MTOR: variants seen among roughly 807,000 people sequenced by gnomAD.
MTOR encodes serine/threonine-protein kinase mTOR.
MTOR carries 70 observed loss-of-function variants against 319.8 expected under a neutral mutation model. That is an observed-to-expected ratio of 0.22 (90% CI 0.18 to 0.27). The LOEUF (loss-of-function observed/expected upper bound fraction) is 0.27. MTOR is among the 10% of genes least tolerant of loss of function. The probability of loss-of-function intolerance (pLI) is 1.00; values close to 1 mark genes in which losing one functional copy is unlikely to be tolerated. For synonymous variants in MTOR, 1,183 were observed against 1,211.4 expected (o/e 0.98, Z 0.49); for missense variants, 1,890 against 3,274.4 (o/e 0.58, Z 10.32).
At chr1:11,172,730 G>A (rs573246189) in intron 28 of MTOR, among the ~76,000 whole-genome samples, 12 of 151,988 alleles carry the variant, frequency 7.9e-5, no homozygotes, top group East Asian at 3.9e-4. Context: ...TTAGTGGAGC[G>A]TGGTGGCGAA....
intron 50 of MTOR, 131 bp downstream of exon 50, chr1:11,116,873 G>C (rs1642193840): frequency 1.6e-5 from 11 of 691,926 alleles, no homozygotes; most frequent in Non-Finnish European, 2.7e-5. Context: ...TGTTGTAAAA[G>C]AGACCTTACA....
At chr1:11,161,508 C>A (rs961576273) in intron 29 of MTOR, among the ~76,000 whole-genome samples, 2 of 152,154 alleles carry the variant, frequency 1.3e-5, no homozygotes, top group South Asian at 2.1e-4. Flanking sequence ...TCTGACCCCC[C>A]AGTAGCCTAA....
chr1:11,120,572 G>A (rs1221342290), intron 49 of MTOR, among the ~76,000 whole-genome samples: 1 of 151,102 alleles, frequency 6.6e-6, no homozygotes, highest in African/African-American at 2.4e-5. Flanking sequence ...GGCTGGTATT[G>A]AACTCCTGGG....
chr1:11,126,487 C>T (rs893325124), intron 46 of MTOR, 135 bp downstream of exon 46: 2 of 1,038,636 alleles, frequency 1.9e-6, no homozygotes, highest in African/African-American at 3.2e-5. Context: ...CTATTTTCCT[C>T]TCAATGAGCA....
intron 50 of MTOR, among the ~76,000 whole-genome samples, chr1:11,116,460 G>A (rs1219472013): frequency 6.6e-6 from 1 of 151,948 alleles, no homozygotes; most frequent in Non-Finnish European, 1.5e-5. Context: ...GACTACAGGT[G>A]TATGCCACCA....
chr1:11,130,946 T>C lies in MTOR; in HGVS notation c.5365-169A>G, dbSNP rs552202093. The C allele has an allele frequency of 3.4e-5, 28 of 818,366 alleles. No homozygotes were observed. The South Asian group carries it at 5.1e-4, about 15-fold the overall frequency. The allele number at this position is 818,366 out of a possible 1,614,324, so 50.7% of individuals were successfully genotyped here. On this transcript the variant is annotated intron_variant, in intron 38 of 57. Transcript: ENST00000361445. ...AATGGCTGTTTTACTAAATTCAACA[T>C]GATCCACTCACTTTGTGGAGCACTA...
chr1:11,212,223 G>A lies in MTOR; in HGVS notation c.3561+89C>T. On this transcript the variant is annotated intron_variant, in intron 23 of 57. Transcript: ENST00000361445. The surrounding 1 kb of genome is among the most constrained non-coding windows in gnomAD (Gnocchi z 4.1). ...ATTCCACGTTCTCTGATGGTGGCTG[G>A]CATCAGACAAAGTCTGAGTGGCTCA... The A allele has an allele frequency of 1.4e-6, 2 of 1,425,090 alleles. No homozygotes were observed. Among genetic ancestry groups the A allele is most frequent in the South Asian group, 2.8e-5 (2 of 72,500 alleles). 88.3% of individuals were successfully genotyped at this position (1,425,090 alleles called of 1,614,324 possible). A position where few individuals can be genotyped will look rare whatever the true frequency, so the allele number is the denominator to read the frequency against.
intron 28 of MTOR, among the ~76,000 whole-genome samples, chr1:11,193,135 G>A (rs561108021): frequency 1.3e-4 from 20 of 151,974 alleles, no homozygotes; most frequent in Non-Finnish European, 2.8e-4. Flanking sequence ...TGGCCAACAT[G>A]CTGAAACCCA....
At position 11,150,336 on chromosome 1, in the gene MTOR, T is replaced by C. The variant is rs41274518; in HGVS notation, c.4470-110A>G. On this transcript the variant is annotated intron_variant, in intron 30 of 57. Coordinates refer to ENST00000361445, the MANE Select transcript of MTOR (RefSeq NM_004958.4). ...GGACTACACAGGAACTGGACACCTT[T>C]AATAAAAAAGCACATTCTACTAGGT... The C allele has an allele frequency of 4.7e-3, 3,910 of 838,888 alleles. 17 individuals are homozygous for C. Among genetic ancestry groups the C allele is most frequent in the Non-Finnish European group, 6.5e-3 (3,525 of 538,578 alleles). The allele number at this position is 838,888 out of a possible 1,614,324, so 52.0% of individuals were successfully genotyped here.
intron 28 of MTOR, among the ~76,000 whole-genome samples, chr1:11,168,635 C>T (rs1332849529): frequency 6.6e-6 from 1 of 152,208 alleles, no homozygotes; most frequent in East Asian, 1.9e-4. Flanking sequence ...GAACTGGCCT[C>T]TACTGTAGAG....
Position 11,109,755 on chromosome 1 carries a change from G to A in MTOR, c.7367-26C>T, listed in dbSNP as rs1315292198. On this transcript the variant is annotated intron_variant, in intron 54 of 57. Transcript: ENST00000361445. This position sits in a 1 kb window ranked among gnomAD's most constrained non-coding sequence, Gnocchi z 4.0. ...CTATGGGAAAAGAAATCAATTAACA[G>A]AAAATTCAAACACCAAAAAGCCACT... 5 of 1,607,320 alleles carry A rather than the reference G, an allele frequency of 3.1e-6. No homozygotes were observed. Among genetic ancestry groups the A allele is most frequent in the Non-Finnish European group, 4.3e-6 (5 of 1,173,962 alleles).
chr1:11,241,437 T>C, intron 10 of MTOR, 116 bp downstream of exon 10: 1 of 1,304,422 alleles, frequency 7.7e-7, no homozygotes, highest in Non-Finnish European at 1.0e-6. Context: ...TAGTCTAAGC[T>C]ATCCTGTCCA....
At position 11,232,450 on chromosome 1, in the gene MTOR, A is replaced by G; in HGVS notation, c.2500T>C (p.Leu834=). 6.2e-7 allele frequency: 1 copy of G among 1,613,976 alleles called. No homozygotes were observed. Among genetic ancestry groups the G allele is most frequent in the Non-Finnish European group, 8.5e-7 (1 of 1,179,846 alleles). The change falls in exon 16 of 58, where the codon TTG becomes CTG. Residue 834 remains leucine, a synonymous_variant. Transcript: ENST00000361445. ...IMDMLQDSSL[L]AKRQVALWTL... ...GTAATACTCACCTGCCTTTTGGCCA[A>G]CAAAGAGGAATCCTGGAGCATGTCC...
At position 11,130,708 on chromosome 1, in the gene MTOR, C is replaced by A. The variant is rs752914901; in HGVS notation, c.5434G>T (p.Asp1812Tyr). 1.2e-6 allele frequency: 2 copies of A among 1,602,800 alleles called. No individual in the cohort carries two copies. The highest frequency in any genetic ancestry group is 1.7e-5 in the Admixed American group (1 of 57,582). ...LHYKHQNQARDEKKKLRHASG... is the reference protein window; with the variant it reads ...LHYKHQNQARYEKKKLRHASG... ...GCATGACGCAGTTTCTTCTTCTCATCGCGGGCTTGGTTCTGATGTTTGTAG... is the reference window on the plus strand; with the variant it reads ...GCATGACGCAGTTTCTTCTTCTCATAGCGGGCTTGGTTCTGATGTTTGTAG... Residue 1812 changes from aspartate (D) to tyrosine (Y), a missense_variant, in exon 39 of 58, where the codon GAT becomes TAT. Coordinates refer to ENST00000361445, the MANE Select transcript of MTOR (RefSeq NM_004958.4).
At chr1:11,230,187 G>A (rs768361692) in intron 18 of MTOR, among the ~76,000 whole-genome samples, 1 of 151,786 alleles carries the variant, frequency 6.6e-6, no homozygotes, top group Non-Finnish European at 1.5e-5. Context: ...TTGGGAAGCT[G>A]AAGCAGGCAG....
intron 28 of MTOR, chr1:11,192,489 CT>C (rs961586606): frequency 1.9e-5 from 15 of 807,862 alleles, no homozygotes; most frequent in African/African-American, 3.4e-5. Flanking sequence ...GGCGCAGTGG[CT>C]CACACCTGTA....
intron 49 of MTOR, among the ~76,000 whole-genome samples, chr1:11,120,520 G>A (rs554159052): frequency 0.07 from 9,558 of 137,082 alleles, 481 homozygotes; most frequent in South Asian, 0.14. Context: ...CCTGGGCGGG[G>A]AAAAAAAAAA....
intron 29 of MTOR, among the ~76,000 whole-genome samples, 182 bp from the exon 30 acceptor site, chr1:11,157,473 T>C (rs1046122431): frequency 1.3e-5 from 2 of 152,072 alleles, no homozygotes; most frequent in African/African-American, 4.8e-5. Flanking sequence ...TTGGGGAAGG[T>C]GGAAATACTG....
chr1:11,258,699 T>C, intron 2 of MTOR, 106 bp from the exon 3 acceptor site: 2 of 788,614 alleles, frequency 2.5e-6, no homozygotes, highest in East Asian at 2.6e-5. Flanking sequence ...GGAGGTATAG[T>C]TCAAACCAAA....
Sources: gnomAD v4.1 joint callset for allele counts (sites outside exome capture counted in the v4.1 genomes callset) on GRCh38, gnomAD v4.1.1 for gene constraint, Gnocchi (gnomAD v3.1) non-coding constraint, MANE v1.5 for transcripts, NCBI Gene and HGNC (gene_info 2026-07-23, HGNC 2026-07-21) for gene names.